Variants in LRRC37A2 observed in about 807,000 individuals in gnomAD.
LRRC37A2 encodes leucine-rich repeat-containing protein 37A2.
LRRC37A2 carries 9 observed loss-of-function variants against 68.8 expected under a neutral mutation model. That is an observed-to-expected ratio of 0.13 (90% CI 0.08 to 0.23). LRRC37A2 has a LOEUF of 0.23. Ranked by LOEUF, LRRC37A2 falls within the 10% of genes least tolerant of loss-of-function variation. The probability of loss-of-function intolerance (pLI) is 1.00; values close to 1 mark genes in which losing one functional copy is unlikely to be tolerated. For missense variants in LRRC37A2, 168 were observed against 950.4 expected, an observed-to-expected ratio of 0.18 and a Z score of 10.82; for synonymous variants, 63 against 367.6, an observed-to-expected ratio of 0.17 and a Z score of 9.48.
the LRRC37A2 span, among the ~76,000 whole-genome samples, chr17:46,950,202 CCT>C: frequency 1.6e-4 from 25 of 152,182 alleles, no homozygotes; most frequent in African/African-American, 6.0e-4. Context: ...GAGAGCAGCC[CCT>C]GAGTCACTTC....
chr17:46,490,931 G>A, the LRRC37A2 span, among the ~76,000 whole-genome samples: 2 of 144,524 alleles, frequency 1.4e-5, no homozygotes, highest in Admixed American at 6.8e-5. Flanking sequence ...TTTCTCTTCT[G>A]TCACCCAGGC....
At chr17:46,717,840 C>T in the LRRC37A2 span, among the ~76,000 whole-genome samples, 5 of 152,312 alleles carry the variant, frequency 3.3e-5, no homozygotes, top group East Asian at 5.8e-4. Flanking sequence ...ACAACTTTGA[C>T]AAGGTCCTGG....
the LRRC37A2 span, among the ~76,000 whole-genome samples, chr17:46,811,148 A>G: frequency 6.9e-6 from 1 of 144,582 alleles, no homozygotes; most frequent in African/African-American, 2.5e-5. Context: ...TACTGGCTTC[A>G]GCAACTCTAC....
the LRRC37A2 span, chr17:46,949,398 C>G: frequency 5.3e-5 from 8 of 152,100 alleles, no homozygotes; most frequent in Non-Finnish European, 1.2e-4. Context: ...TTTCTATGAC[C>G]AAGCCTCGGA....
the LRRC37A2 span, among the ~76,000 whole-genome samples, chr17:46,714,223 TAAG>T: frequency 6.6e-6 from 1 of 152,220 alleles, no homozygotes; most frequent in Non-Finnish European, 1.5e-5. Flanking sequence ...TAATACATAT[TAAG>T]TTTCATTGCC....
the LRRC37A2 span, among the ~76,000 whole-genome samples, chr17:46,983,688 G>A: frequency 3.3e-5 from 5 of 152,208 alleles, no homozygotes; most frequent in Non-Finnish European, 7.3e-5. Flanking sequence ...TGAAAGGTAA[G>A]TGTGTTTGTT....
At chr17:46,461,006 C>T in the LRRC37A2 span, among the ~76,000 whole-genome samples, 1 of 54,510 alleles carries the variant, frequency 1.8e-5, no homozygotes, top group Non-Finnish European at 3.9e-5. Flanking sequence ...CATATATAGG[C>T]ATTATTGTTA....
At chr17:46,922,160 A>G in the LRRC37A2 span, among the ~76,000 whole-genome samples, 2 of 152,246 alleles carry the variant, frequency 1.3e-5, no homozygotes, top group African/African-American at 4.8e-5. Context: ...GCCATAAAAA[A>G]TGATGAGTTC....
the LRRC37A2 span, among the ~76,000 whole-genome samples, chr17:46,417,022 C>T: frequency 3.3e-5 from 5 of 149,596 alleles, no homozygotes; most frequent in African/African-American, 7.4e-5. Flanking sequence ...CACTTGAACC[C>T]GGGAGGTGGA....
the LRRC37A2 span, among the ~76,000 whole-genome samples, chr17:46,826,443 G>A: frequency 6.6e-6 from 1 of 152,246 alleles, no homozygotes; most frequent in Non-Finnish European, 1.5e-5. Flanking sequence ...ATCCCAGCAG[G>A]ACCCACCTCT....
chr17:46,771,053 G>A, the LRRC37A2 span, among the ~76,000 whole-genome samples: 1 of 152,196 alleles, frequency 6.6e-6, no homozygotes, highest in African/African-American at 2.4e-5. Context: ...CCAGGCGCCC[G>A]CCTCCCCTCC....
At chr17:46,966,998 TG>T in the LRRC37A2 span, 2 of 262,214 alleles carry the variant, frequency 7.6e-6, no homozygotes, top group Non-Finnish European at 1.4e-5. Context: ...TTGATTTCTG[TG>T]ATGTGTGAAG....
the LRRC37A2 span, among the ~76,000 whole-genome samples, chr17:46,806,616 G>A: frequency 2.0e-5 from 3 of 152,244 alleles, no homozygotes; most frequent in Non-Finnish European, 4.4e-5. Flanking sequence ...CTTACTGGTA[G>A]CAGAGAAAGG....
the LRRC37A2 span, among the ~76,000 whole-genome samples, chr17:46,788,730 A>G: frequency 1.3e-5 from 2 of 151,794 alleles, no homozygotes; most frequent in African/African-American, 4.9e-5. Context: ...CAGCAGGTGC[A>G]GTGGCCCTGC....
At chr17:46,467,546 T>C in the LRRC37A2 span, among the ~76,000 whole-genome samples, 1 of 103,060 alleles carries the variant, frequency 9.7e-6, no homozygotes, top group Non-Finnish European at 2.1e-5. Flanking sequence ...GTAACTTTGG[T>C]GCTGTTTTTA....
At chr17:46,952,181 C>T in the LRRC37A2 span, among the ~76,000 whole-genome samples, 1 of 152,268 alleles carries the variant, frequency 6.6e-6, no homozygotes, top group East Asian at 1.9e-4. Context: ...AAATCCTTAT[C>T]CCCTTCTGCT....
chr17:46,886,726 T>C, the LRRC37A2 span: 1 of 152,216 alleles, frequency 6.6e-6, no homozygotes, highest in Non-Finnish European at 1.5e-5. Flanking sequence ...CCTATTAAGA[T>C]CTTTAAACAA....
chr17:46,820,946 T>A, the LRRC37A2 span, among the ~76,000 whole-genome samples: 1 of 151,966 alleles, frequency 6.6e-6, no homozygotes, highest in East Asian at 1.9e-4. Flanking sequence ...GATGGCTTCT[T>A]GGGGTCATTA....
the LRRC37A2 span, among the ~76,000 whole-genome samples, chr17:46,601,753 T>G: frequency 6.6e-6 from 1 of 150,726 alleles, no homozygotes; most frequent in Non-Finnish European, 1.5e-5. Context: ...AACACTGTTT[T>G]AATTGCTGTA....
Sources: allele counts gnomAD v4.1 joint callset (sites outside exome capture counted in the v4.1 genomes callset), GRCh38; gene constraint gnomAD v4.1.1; transcripts MANE v1.5; gene names NCBI Gene and HGNC (gene_info 2026-07-23, HGNC 2026-07-21).